ZFPM2: variants seen among roughly 807,000 people sequenced by gnomAD.
ZFPM2 encodes zinc finger protein, FOG family member 2.
In ZFPM2, 20 loss-of-function variants were observed where a neutral mutation model predicts 98.6. That is an observed-to-expected ratio of 0.20 (90% CI 0.14 to 0.29). The LOEUF (loss-of-function observed/expected upper bound fraction) is 0.29. ZFPM2 is among the 10% of genes least tolerant of loss of function. The pLI, the probability that ZFPM2 is intolerant of heterozygous loss-of-function variation, is 1.00. For missense variants in ZFPM2, 1,310 were observed against 1,388.6 expected, an observed-to-expected ratio of 0.94 and a Z score of 0.90; for synonymous variants, 518 against 502.7, an observed-to-expected ratio of 1.03 and a Z score of -0.41.
chr8:105,409,247 A>G (rs532106837), intron 1 of ZFPM2, among the ~76,000 whole-genome samples: 15 of 152,010 alleles, frequency 9.9e-5, no homozygotes, highest in African/African-American at 2.9e-4. Context: ...AAAAATTGAC[A>G]TACTGTCCCC....
intron 4 of ZFPM2, among the ~76,000 whole-genome samples, chr8:105,618,653 T>C (rs537878689): frequency 6.6e-6 from 1 of 152,298 alleles, no homozygotes; most frequent in African/African-American, 2.4e-5. Context: ...ATTGCATATA[T>C]TAACTCATTT....
chr8:105,799,277 A>ATCTT (rs1406721009), intron 7 of ZFPM2, among the ~76,000 whole-genome samples: 8 of 152,186 alleles, frequency 5.3e-5, no homozygotes, highest in African/African-American at 1.7e-4. Context: ...GTGTCAAGCA[A>ATCTT]TCTTTGGAAA....
At chr8:105,452,972 CTT>C in intron 3 of ZFPM2, among the ~76,000 whole-genome samples, 1 of 151,076 alleles carries the variant, frequency 6.6e-6, no homozygotes, top group South Asian at 2.1e-4. Context: ...TTAAAAATAA[CTT>C]AAGTGGGCTT....
intron 1 of ZFPM2, among the ~76,000 whole-genome samples, chr8:105,390,472 C>T (rs1271356166): frequency 6.6e-6 from 1 of 152,186 alleles, no homozygotes; most frequent in Non-Finnish European, 1.5e-5. Context: ...TCTGGGTGTG[C>T]TCACTAACCA....
chr8:105,644,296 T>TA (rs199514731), intron 5 of ZFPM2, among the ~76,000 whole-genome samples: 11,348 of 126,212 alleles, frequency 0.09, 432 homozygotes, highest in African/African-American at 0.11. Flanking sequence ...TTTTTTTTTT[T>TA]TAAAAAAAAA....
chr8:105,672,204 T>C (rs901874707), intron 5 of ZFPM2, among the ~76,000 whole-genome samples: 3 of 152,036 alleles, frequency 2.0e-5, no homozygotes, highest in Admixed American at 2.0e-4. Flanking sequence ...TTACTCCTTT[T>C]CAAATTATTT....
At chr8:105,464,530 C>T (rs755638007) in intron 3 of ZFPM2, among the ~76,000 whole-genome samples, 7 of 151,888 alleles carry the variant, frequency 4.6e-5, no homozygotes, top group Non-Finnish European at 7.4e-5. Context: ...AGAAAACCAT[C>T]AGTCAGGATG....
At chr8:105,440,451 GC>G (rs546198719) in intron 2 of ZFPM2, among the ~76,000 whole-genome samples, 1 of 152,172 alleles carries the variant, frequency 6.6e-6, no homozygotes, top group South Asian at 2.1e-4. Context: ...ATGGTGACTG[GC>G]CCCAAATCAT....
intron 5 of ZFPM2, among the ~76,000 whole-genome samples, chr8:105,704,740 T>G (rs1811217754): frequency 6.6e-6 from 1 of 152,176 alleles, no homozygotes; most frequent in Non-Finnish European, 1.5e-5. Flanking sequence ...AACACTTAGA[T>G]AAGATGTGCT....
chr8:105,440,572 G>T (rs1389945500), intron 2 of ZFPM2, among the ~76,000 whole-genome samples: 1 of 152,150 alleles, frequency 6.6e-6, no homozygotes, highest in Non-Finnish European at 1.5e-5. Flanking sequence ...TGAAGGGATA[G>T]TGCACAAGGT....
chr8:105,642,687 G>C (rs1816969985), intron 5 of ZFPM2, among the ~76,000 whole-genome samples: 1 of 152,136 alleles, frequency 6.6e-6, no homozygotes, highest in South Asian at 2.1e-4. Flanking sequence ...TGGCCCAGGT[G>C]TCATGAGGAG....
intron 1 of ZFPM2, among the ~76,000 whole-genome samples, chr8:105,345,423 T>G (rs1424457002): frequency 4.5e-5 from 5 of 111,166 alleles, no homozygotes; most frequent in African/African-American, 1.6e-4. Context: ...ATTCGTGATG[T>G]TCTTTTTTTT....
chr8:105,696,783 C>A (rs370091891), intron 5 of ZFPM2, among the ~76,000 whole-genome samples: 2 of 152,016 alleles, frequency 1.3e-5, no homozygotes, highest in African/African-American at 4.8e-5. Context: ...TTATTTCTGG[C>A]AGTTTCTGCA....
intron 4 of ZFPM2, among the ~76,000 whole-genome samples, chr8:105,562,092 G>A (rs1208765681): frequency 6.6e-6 from 1 of 151,944 alleles, no homozygotes; most frequent in Non-Finnish European, 1.5e-5. Flanking sequence ...GATCACTTGA[G>A]GTCAGGAGTT....
chr8:105,514,074 C>G (rs1245102810), intron 3 of ZFPM2, among the ~76,000 whole-genome samples: 2 of 149,962 alleles, frequency 1.3e-5, no homozygotes, highest in African/African-American at 5.0e-5. Flanking sequence ...ATGATCTCAG[C>G]TCACTACAAC....
At chr8:105,793,569 G>A (rs1412601218) in intron 6 of ZFPM2, among the ~76,000 whole-genome samples, 1 of 152,076 alleles carries the variant, frequency 6.6e-6, no homozygotes, top group Non-Finnish European at 1.5e-5. Context: ...GTGTCTTGGA[G>A]TTGCTCTTCT....
At chr8:105,412,657 A>G (rs1811600325) in intron 1 of ZFPM2, among the ~76,000 whole-genome samples, 1 of 151,700 alleles carries the variant, frequency 6.6e-6, no homozygotes, top group Admixed American at 6.6e-5. Flanking sequence ...TGCAGGAAGA[A>G]CTTGCTCATT....
chr8:105,724,532 A>G (rs1260455405), intron 5 of ZFPM2, among the ~76,000 whole-genome samples: 2 of 151,924 alleles, frequency 1.3e-5, no homozygotes, highest in African/African-American at 2.4e-5. Context: ...TTTACTGGAA[A>G]GAGAAACTGC....
At chr8:105,747,336 C>A (rs1331388213) in intron 5 of ZFPM2, among the ~76,000 whole-genome samples, 1 of 151,950 alleles carries the variant, frequency 6.6e-6, no homozygotes, top group Admixed American at 6.6e-5. Flanking sequence ...CAGCACTTGA[C>A]CTTAGAGAGA....
Sources: allele counts gnomAD v4.1 joint callset (sites outside exome capture counted in the v4.1 genomes callset), GRCh38; gene constraint gnomAD v4.1.1; transcripts MANE v1.5; gene names NCBI Gene and HGNC (gene_info 2026-07-23, HGNC 2026-07-21).